Variants in NSUN2 observed in about 807,000 individuals in gnomAD.
The protein encoded by NSUN2 is NOP2/Sun RNA methyltransferase 2.
In NSUN2, 63 loss-of-function variants were observed where a neutral mutation model predicts 92.7. The observed-to-expected ratio is 0.68, with a 90% CI of 0.56 to 0.84. The LOEUF (loss-of-function observed/expected upper bound fraction) is 0.84. NSUN2 is among the 40% of genes least tolerant of loss of function. The pLI, the probability that NSUN2 is intolerant of heterozygous loss-of-function variation, is 0.00. For missense variants in NSUN2, 989 were observed against 964.9 expected (o/e 1.02, Z -0.33); for synonymous variants, 356 against 348.3 (o/e 1.02, Z -0.25).
chr5:6,629,926 G>C (rs1405848418), intron 3 of NSUN2, among the ~76,000 whole-genome samples: 1 of 152,168 alleles, frequency 6.6e-6, no homozygotes, highest in East Asian at 1.9e-4. Context: ...CCTCCCCGGC[G>C]ATGTGGAAAT....
intron 5 of NSUN2, 118 bp from the exon 6 acceptor site, chr5:6,622,218 G>C: frequency 1.3e-6 from 1 of 754,262 alleles, no homozygotes; most frequent in Admixed American, 2.3e-5. Flanking sequence ...CTTCTTTACA[G>C]AGTCTATAGC....
chr5:6,618,884 G>C (rs1737322183), intron 7 of NSUN2, among the ~76,000 whole-genome samples: 1 of 152,132 alleles, frequency 6.6e-6, no homozygotes, highest in Admixed American at 6.5e-5. Context: ...TTTCCTTGAT[G>C]GTCTAGCCGC....
At chr5:6,632,525 G>T in intron 2 of NSUN2, 74 bp downstream of exon 2, 10 of 1,541,978 alleles carry the variant, frequency 6.5e-6, no homozygotes, top group African/African-American at 1.4e-5. Context: ...AACACTTGTC[G>T]AAGAAAACAC....
At chr5:6,631,018 A>G (rs1737864079) in intron 3 of NSUN2, among the ~76,000 whole-genome samples, 1 of 152,026 alleles carries the variant, frequency 6.6e-6, no homozygotes, top group African/African-American at 2.4e-5. Context: ...GGCGTGAACC[A>G]GGGAGGTGGA....
chr5:6,613,683 C>A (rs760604335), intron 9 of NSUN2, among the ~76,000 whole-genome samples: 5 of 152,206 alleles, frequency 3.3e-5, no homozygotes, highest in Non-Finnish European at 5.9e-5. Context: ...GAAAGCATAT[C>A]ATCTGCTCTA....
At chr5:6,605,078 A>G (rs1015952902) in intron 15 of NSUN2, 195 bp downstream of exon 15, 24 of 729,174 alleles carry the variant, frequency 3.3e-5, no homozygotes, top group Middle Eastern at 4.0e-4. Flanking sequence ...CACCAGATTC[A>G]GGACTCTGGC....
At chr5:6,604,825 A>G (rs1736696477) in intron 15 of NSUN2, 140 bp from the exon 16 acceptor site, 1 of 670,106 alleles carries the variant, frequency 1.5e-6, no homozygotes, top group Non-Finnish European at 2.6e-6. Flanking sequence ...ACCCCGGTTA[A>G]GAACGAACTG....
Position 6,621,866 on chromosome 5 carries a change from G to A in NSUN2, c.622+150C>T, listed in dbSNP as rs1176195226. The A allele has an allele frequency of 6.4e-6, 4 of 628,400 alleles. No individual in the cohort carries two copies. In the African/African-American group the frequency reaches 7.3e-5, roughly 12 times the overall value. 38.9% of individuals were successfully genotyped at this position (628,400 alleles called of 1,614,324 possible). A position where few individuals can be genotyped will look rare whatever the true frequency, so the allele number is the denominator to read the frequency against. ...TACTACTGACGGTGGTAGGCAAGAT[G>A]TCCAGTTCTACTTCCGGTAGACGGA... On this transcript the variant is annotated intron_variant, in intron 6 of 18. Transcript: ENST00000264670.
Position 6,630,496 on chromosome 5 carries a change from G to C in NSUN2, c.359+1377C>G, listed in dbSNP as rs147881305. 1.3e-4 allele frequency among the ~76,000 whole-genome samples: 20 copies of C among 152,210 alleles called. No individual in the cohort carries two copies. The East Asian group carries it at 3.5e-3, about 26-fold the overall frequency. ...AATTTTTGTATTTTTAGTAGAGATAGGGTTTCACGATGTTGGTCATATTTA... is the reference window on the plus strand; with the variant it reads ...AATTTTTGTATTTTTAGTAGAGATACGGTTTCACGATGTTGGTCATATTTA... On this transcript the variant is annotated intron_variant, in intron 3 of 18. Transcript: ENST00000264670.
chr5:6,622,112 G>A lies in NSUN2; in HGVS notation c.538-12C>T. ...CACATATCTAAGATCTATTAACAAA[G>A]CAAGAAACTGTTTCATGTTTTTAAA... On this transcript the variant is annotated splice_polypyrimidine_tract_variant and intron_variant, in intron 5 of 18. Coordinates refer to ENST00000264670, the MANE Select transcript of NSUN2 (RefSeq NM_017755.6). 6.3e-7 allele frequency: 1 copy of A among 1,597,106 alleles called. No individual in the cohort carries two copies. The highest frequency in any genetic ancestry group is 8.6e-7 in the Non-Finnish European group (1 of 1,168,868).
Position 6,631,857 on chromosome 5 carries a change from G to A in NSUN2, c.359+16C>T, listed in dbSNP as rs960517788. 2 of 1,520,772 alleles carry A rather than the reference G, an allele frequency of 1.3e-6. No individual in the cohort carries two copies. Among genetic ancestry groups the A allele is most frequent in the Non-Finnish European group, 1.8e-6 (2 of 1,099,852 alleles). The allele number at this position is 1,520,772 out of a possible 1,614,324, so 94.2% of individuals were successfully genotyped here. A position where few individuals can be genotyped will look rare whatever the true frequency, so the allele number is the denominator to read the frequency against. On this transcript the variant is annotated intron_variant, in intron 3 of 18. Coordinates refer to ENST00000264670, the MANE Select transcript of NSUN2 (RefSeq NM_017755.6). Reference sequence around the variant, plus strand: ...ATCCCAAATAAATATTCGGCATGAAGCACTGTGGTACCTACCAACTCAGTG... The same window carrying A: ...ATCCCAAATAAATATTCGGCATGAAACACTGTGGTACCTACCAACTCAGTG...
chr5:6,618,069 T>A, intron 7 of NSUN2, 45 bp from the exon 8 acceptor site: 2 of 1,339,606 alleles, frequency 1.5e-6, no homozygotes, highest in Non-Finnish European at 2.1e-6. Flanking sequence ...TACAGGTGGA[T>A]GACTGCACTT....
chr5:6,626,435 T>C (rs1052799309), intron 3 of NSUN2, among the ~76,000 whole-genome samples: 7 of 151,960 alleles, frequency 4.6e-5, no homozygotes, highest in African/African-American at 1.5e-4. Context: ...AGTGGTGTAA[T>C]CTCAGCTCAC....
intron 16 of NSUN2, 60 bp from the exon 17 acceptor site, chr5:6,604,336 G>C: frequency 6.9e-7 from 1 of 1,445,664 alleles, no homozygotes; most frequent in Non-Finnish European, 9.5e-7. Flanking sequence ...AACGACAACA[G>C]CCTGCTCTCA....
intron 3 of NSUN2, among the ~76,000 whole-genome samples, chr5:6,626,105 T>C (rs887482056): frequency 6.6e-6 from 1 of 152,178 alleles, no homozygotes; most frequent in African/African-American, 2.4e-5. Context: ...AAATACCTGA[T>C]TAGTTTTTTA....
chr5:6,627,082 C>T (rs568994134), intron 3 of NSUN2, among the ~76,000 whole-genome samples: 3 of 152,338 alleles, frequency 2.0e-5, no homozygotes, highest in Admixed American at 6.5e-5. Context: ...TCCACGGCCA[C>T]CCTCCAAAGG....
At chr5:6,624,260 TTAAG>T (rs1737566774) in intron 4 of NSUN2, among the ~76,000 whole-genome samples, 1 of 152,206 alleles carries the variant, frequency 6.6e-6, no homozygotes. Flanking sequence ...GATTAAAGCA[TTAAG>T]TAAGATGGGG....
chr5:6,608,036 G>C (rs1262161607), intron 12 of NSUN2, among the ~76,000 whole-genome samples: 1 of 152,222 alleles, frequency 6.6e-6, no homozygotes, highest in Non-Finnish European at 1.5e-5. Context: ...TAATTCCTCA[G>C]TCCCTATGAA....
chr5:6,609,783 A>G (rs1302217620), intron 12 of NSUN2, 43 bp downstream of exon 12: 3 of 1,485,650 alleles, frequency 2.0e-6, no homozygotes, highest in East Asian at 2.3e-5. Flanking sequence ...TCTTAAATGT[A>G]CAAGATCAAA....
Sources: allele counts gnomAD v4.1 joint callset (sites outside exome capture counted in the v4.1 genomes callset), GRCh38; gene constraint gnomAD v4.1.1; transcripts MANE v1.5; gene names NCBI Gene and HGNC (gene_info 2026-07-23, HGNC 2026-07-21).